Variants in SMIM36 observed in about 807,000 individuals in gnomAD.
The protein encoded by SMIM36 is small integral membrane protein 36.
chr17:55,459,179 C>A (rs1046240781), intron 4 of SMIM36, among the ~76,000 whole-genome samples: 6 of 152,150 alleles, frequency 3.9e-5, no homozygotes, highest in Admixed American at 2.6e-4. Context: ...AGCCCCACCC[C>A]CATCACACGC....
At chr17:55,455,461 T>C (rs1908999986) in intron 4 of SMIM36, among the ~76,000 whole-genome samples, 1 of 151,918 alleles carries the variant, frequency 6.6e-6, no homozygotes, top group Non-Finnish European at 1.5e-5. Flanking sequence ...CCATCCACTG[T>C]CACCTTAGCC....
intron 3 of SMIM36, among the ~76,000 whole-genome samples, chr17:55,473,438 C>A (rs1909375768): frequency 6.6e-6 from 1 of 152,178 alleles, no homozygotes; most frequent in South Asian, 2.1e-4. Context: ...GCGGTCATTT[C>A]TTCCCTTCTA....
intron 3 of SMIM36, among the ~76,000 whole-genome samples, chr17:55,474,933 C>T (rs1450477472): frequency 6.6e-6 from 1 of 152,064 alleles, no homozygotes; most frequent in Admixed American, 6.5e-5. Context: ...ATAGGTTGGC[C>T]ATCAGAAGGA....
At chr17:55,492,709 A>C (rs574386469) in intron 1 of SMIM36, among the ~76,000 whole-genome samples, 1 of 152,302 alleles carries the variant, frequency 6.6e-6, no homozygotes, top group African/African-American at 2.4e-5. Flanking sequence ...GGGGCAATGC[A>C]ATTGAAATTC....
chr17:55,453,779 AC>A (rs1567861299), intron 4 of SMIM36, among the ~76,000 whole-genome samples: 2 of 152,228 alleles, frequency 1.3e-5, no homozygotes, highest in African/African-American at 4.8e-5. Context: ...CCAGGTTTTA[AC>A]AGTAAAATAG....
intron 3 of SMIM36, among the ~76,000 whole-genome samples, chr17:55,474,706 G>A (rs950808898): frequency 7.2e-5 from 11 of 152,168 alleles, no homozygotes; most frequent in African/African-American, 2.2e-4. Context: ...GAAACAGTGC[G>A]TGTGTGCCCT....
At chr17:55,483,053 C>T (rs1909546079) in intron 1 of SMIM36, among the ~76,000 whole-genome samples, 1 of 152,144 alleles carries the variant, frequency 6.6e-6, no homozygotes, top group African/African-American at 2.4e-5. Flanking sequence ...AATGGCAGGC[C>T]AAATGGATGC....
chr17:55,517,315 C>T, the SMIM36 span, among the ~76,000 whole-genome samples: 16,566 of 152,124 alleles, frequency 0.11, 2,030 homozygotes, highest in African/African-American at 0.3. Context: ...CTTTGGGAGG[C>T]CAAGGAGGGT....
chr17:55,487,019 G>A (rs1023232909), intron 1 of SMIM36, among the ~76,000 whole-genome samples: 4 of 152,182 alleles, frequency 2.6e-5, no homozygotes, highest in African/African-American at 9.7e-5. Context: ...CATGGCCTCT[G>A]GCTGCGAGTT....
chr17:55,472,647 C>A (rs1257782555), intron 3 of SMIM36, among the ~76,000 whole-genome samples: 3 of 152,068 alleles, frequency 2.0e-5, no homozygotes, highest in African/African-American at 7.2e-5. Context: ...CTGAGGCGGG[C>A]GGATCACAAG....
intron 1 of SMIM36, among the ~76,000 whole-genome samples, chr17:55,499,586 C>T (rs1316473096): frequency 1.3e-5 from 2 of 152,178 alleles, no homozygotes; most frequent in East Asian, 1.9e-4. Context: ...CCCTCCCTTT[C>T]CTTGCCTTGG....
intron 4 of SMIM36, among the ~76,000 whole-genome samples, chr17:55,452,098 T>A (rs1482143861): frequency 4.5e-5 from 3 of 66,384 alleles, no homozygotes; most frequent in Admixed American, 2.1e-4. Flanking sequence ...AGACTCAATC[T>A]CTACAAAAAA....
At chr17:55,517,812 A>G in the SMIM36 span, among the ~76,000 whole-genome samples, 1 of 152,220 alleles carries the variant, frequency 6.6e-6, no homozygotes, top group Non-Finnish European at 1.5e-5. Flanking sequence ...TAGATTTTAG[A>G]CTTATCAATA....
intron 4 of SMIM36, among the ~76,000 whole-genome samples, chr17:55,454,931 G>A (rs1908989516): frequency 6.6e-6 from 1 of 151,972 alleles, no homozygotes; most frequent in African/African-American, 2.4e-5. Context: ...TTCCCTATGT[G>A]TGGGCATTAG....
chr17:55,513,440 C>T (rs1196507660), upstream of SMIM36, among the ~76,000 whole-genome samples: 1 of 152,182 alleles, frequency 6.6e-6, no homozygotes, highest in Non-Finnish European at 1.5e-5. Context: ...GAAGGCAGAT[C>T]TACAGGAAAA....
At chr17:55,525,997 C>G in the SMIM36 span, among the ~76,000 whole-genome samples, 1 of 142,542 alleles carries the variant, frequency 7.0e-6, no homozygotes. Context: ...GGAAAACAAA[C>G]AAAAAACTGG....
At chr17:55,480,404 T>C (rs1213356389) in intron 1 of SMIM36, among the ~76,000 whole-genome samples, 1 of 152,142 alleles carries the variant, frequency 6.6e-6, no homozygotes, top group Non-Finnish European at 1.5e-5. Context: ...TGCTTAAGTG[T>C]CTAAGGATGA....
intron 1 of SMIM36, among the ~76,000 whole-genome samples, chr17:55,483,219 T>C (rs1461814337): frequency 6.6e-6 from 1 of 152,172 alleles, no homozygotes; most frequent in Non-Finnish European, 1.5e-5. Context: ...AATTCAAATG[T>C]TTCTTGTTGG....
chr17:55,491,279 GA>G (rs1346904178), intron 1 of SMIM36, among the ~76,000 whole-genome samples: 1 of 139,136 alleles, frequency 7.2e-6, no homozygotes, highest in Non-Finnish European at 1.6e-5. Flanking sequence ...AGGGCGGTCA[GA>G]AAAAAAATCT....
Sources: gnomAD v4.1 joint callset for allele counts (sites outside exome capture counted in the v4.1 genomes callset) on GRCh38, gnomAD v4.1.1 for gene constraint, MANE v1.5 for transcripts, NCBI Gene and HGNC (gene_info 2026-07-23, HGNC 2026-07-21) for gene names.